Variants in LONP2 observed in about 807,000 individuals in gnomAD.
LONP2 encodes lon peptidase 2, peroxisomal.
In LONP2, 60 loss-of-function variants were observed where a neutral mutation model predicts 85.6. The observed-to-expected ratio is 0.70, with a 90% confidence interval of 0.57 to 0.87. The LOEUF (loss-of-function observed/expected upper bound fraction) is 0.87. LONP2 is among the 40% of genes least tolerant of loss of function. LONP2 has a pLI of 0.00. For missense variants in LONP2, 860 were observed against 1,063.5 expected (o/e 0.81, Z 2.66); for synonymous variants, 395 against 389.7 (o/e 1.01, Z -0.16).
chr16:48,260,567 TC>T (rs1181854499), intron 4 of LONP2, among the ~76,000 whole-genome samples: 3 of 152,242 alleles, frequency 2.0e-5, no homozygotes, highest in Non-Finnish European at 4.4e-5. Flanking sequence ...CCATTGCACT[TC>T]AGCCTGGATT....
chr16:48,347,572 AATC>A lies in LONP2; in HGVS notation c.2007_2009del (p.Ile669del), dbSNP rs745439776. 1.2e-4 allele frequency: 195 copies of A among 1,614,140 alleles called. No individual in the cohort carries two copies. Among genetic ancestry groups the A allele is most frequent in the Non-Finnish European group, 1.6e-4 (186 of 1,180,052 alleles). The stretch of plus-strand genomic sequence containing the variant: ...TGGCTTGGACTCCCTTAGGTGGAGA[AATC>A]ATGTTCGTGGAGGCGAGTCGAATGG... On this transcript the variant is annotated inframe_deletion, in exon 13 of 15. Transcript: ENST00000285737.
At chr16:48,273,964 T>TTTCA (rs1453884757) in intron 7 of LONP2, among the ~76,000 whole-genome samples, 8 of 152,268 alleles carry the variant, frequency 5.3e-5, no homozygotes, top group African/African-American at 1.9e-4. Flanking sequence ...CAACCTGAAA[T>TTTCA]GGTAAAGTTA....
intron 9 of LONP2, 38 bp from the exon 10 acceptor site, chr16:48,299,624 A>G (rs34505973): frequency 0.058 from 92,432 of 1,581,686 alleles, 3,255 homozygotes; most frequent in Middle Eastern, 0.13. Context: ...TATGGGAGCC[A>G]TGTAAATAAT....
Position 48,342,234 on chromosome 16 carries a change from G to A in LONP2, c.1939-5273G>A, listed in dbSNP as rs946451605. ...GCCCTTGTCTAAAGGTTACTGCCCT[G>A]AGAAAATAATAAAGGAAGAAGAGGA... On this transcript the variant is annotated intron_variant, in intron 12 of 14. Coordinates refer to ENST00000285737, the MANE Select transcript of LONP2 (RefSeq NM_031490.5). Among the ~76,000 whole-genome samples, 39 of 152,136 alleles carry A rather than the reference G, an allele frequency of 2.6e-4. 1 individual carries two copies. The highest frequency in any genetic ancestry group is 7.3e-5 in the Non-Finnish European group (5 of 68,040).
intron 8 of LONP2, among the ~76,000 whole-genome samples, chr16:48,294,285 A>C (rs1227307233): frequency 6.6e-6 from 1 of 152,152 alleles, no homozygotes; most frequent in African/African-American, 2.4e-5. Flanking sequence ...GACCACTCTT[A>C]ACCAATTCAA....
In LONP2 at chr16:48,351,001, C is replaced by T. The variant is rs1960125633; in HGVS notation, c.2338-580C>T. 2.0e-5 allele frequency among the ~76,000 whole-genome samples: 3 copies of T among 152,284 alleles called. No homozygotes were observed. In the South Asian group the frequency reaches 6.2e-4, roughly 32 times the overall value. ...TTGTGACTCAGCCGTGGAGATCATACAGCATCACTCCCACCACACTCTGTT... is the reference window on the plus strand; with the variant it reads ...TTGTGACTCAGCCGTGGAGATCATATAGCATCACTCCCACCACACTCTGTT... On this transcript the variant is annotated intron_variant, in intron 14 of 14. Transcript: ENST00000285737.
At chr16:48,290,688 C>T (rs1567325708) in intron 8 of LONP2, among the ~76,000 whole-genome samples, 1 of 152,188 alleles carries the variant, frequency 6.6e-6, no homozygotes, top group Non-Finnish European at 1.5e-5. Context: ...CAGGGTCCAC[C>T]AGTCTTCTTG....
At chr16:48,275,219 C>T (rs547123372) in intron 7 of LONP2, among the ~76,000 whole-genome samples, 2 of 152,238 alleles carry the variant, frequency 1.3e-5, no homozygotes, top group East Asian at 3.9e-4. Context: ...TATAACCCAC[C>T]AGGTTGACAC....
intron 11 of LONP2, among the ~76,000 whole-genome samples, chr16:48,311,050 T>G (rs1360221544): frequency 6.6e-6 from 1 of 152,238 alleles, no homozygotes; most frequent in Admixed American, 6.5e-5. Context: ...GTTTCCTGTA[T>G]AAGTGACTAG....
In LONP2 at chr16:48,256,482, A is replaced by G. The variant is rs1018272236; in HGVS notation, c.469-128A>G. The G allele has an allele frequency of 4.5e-5, 40 of 883,794 alleles. No individual in the cohort carries two copies. The South Asian group carries it at 5.5e-4, about 12-fold the overall frequency. 54.7% of individuals were successfully genotyped at this position (883,794 alleles called of 1,614,324 possible). A position where few individuals can be genotyped will look rare whatever the true frequency, so the allele number is the denominator to read the frequency against. On this transcript the variant is annotated intron_variant, in intron 2 of 14. Transcript: ENST00000285737. ...CTGAGGCCTGTAAAATACGTGGACT[A>G]TATTAATCAGTGATCTTTCAAAAAC...
chr16:48,254,790 G>C (rs1971724811), intron 2 of LONP2, among the ~76,000 whole-genome samples: 1 of 152,052 alleles, frequency 6.6e-6, no homozygotes, highest in African/African-American at 2.4e-5. Flanking sequence ...TACCAAACTT[G>C]AATTCACTTT....
At chr16:48,285,539 T>G (rs1295497908) in intron 8 of LONP2, among the ~76,000 whole-genome samples, 1 of 152,118 alleles carries the variant, frequency 6.6e-6, no homozygotes, top group Non-Finnish European at 1.5e-5. Context: ...CCTTTTTTCT[T>G]TCTATTCTTC....
At chr16:48,245,121 A>G (rs560387576) in intron 1 of LONP2, among the ~76,000 whole-genome samples, 6 of 151,880 alleles carry the variant, frequency 4.0e-5, no homozygotes, top group Non-Finnish European at 8.8e-5. Flanking sequence ...TTTCATTCCT[A>G]AACTGCACTA....
At chr16:48,319,541 A>T (rs375812993) in intron 11 of LONP2, among the ~76,000 whole-genome samples, 2 of 152,080 alleles carry the variant, frequency 1.3e-5, no homozygotes, top group South Asian at 2.1e-4. Flanking sequence ...TATATAGCCC[A>T]CTGACATGGC....
In LONP2 at chr16:48,362,813, C is replaced by G. The variant is rs1960650336; in HGVS notation, c.*950C>G. The G allele has an allele frequency of 1.0e-5, 2 of 199,022 alleles. No homozygotes were observed. The highest frequency in any genetic ancestry group is 2.4e-5 in the African/African-American group (1 of 41,670). The allele number at this position is 199,022 out of a possible 1,614,324, so 12.3% of individuals were successfully genotyped here. A position where few individuals can be genotyped will look rare whatever the true frequency, so the allele number is the denominator to read the frequency against. ...TAGGACTCTCCCTGAGGCTCCCTTA[C>G]TCTATTTCTTTCTAATTTGGAGTCA... On this transcript the variant is annotated 3_prime_UTR_variant, in exon 5 of 5. Coordinates refer to the LONP2 transcript ENST00000565867. The surrounding 1 kb of genome is among the most constrained non-coding windows in gnomAD (Gnocchi z 4.2).
chr16:48,347,809 C>T, intron 13 of LONP2, 95 bp downstream of exon 13: 9 of 1,182,186 alleles, frequency 7.6e-6, no homozygotes, highest in Non-Finnish European at 1.1e-5. Context: ...AGTTACACAT[C>T]TAGCAAAGTA....
chr16:48,284,001 G>A (rs1227324935), intron 8 of LONP2, among the ~76,000 whole-genome samples: 2 of 152,136 alleles, frequency 1.3e-5, no homozygotes, highest in African/African-American at 4.8e-5. Context: ...CCTCATGGAT[G>A]ACTTTGAGGG....
chr16:48,286,429 C>T (rs901018718), intron 8 of LONP2, among the ~76,000 whole-genome samples: 2 of 152,174 alleles, frequency 1.3e-5, no homozygotes, highest in African/African-American at 4.8e-5. Context: ...TCGTGAGCCA[C>T]CGTGCCTGGC....
chr16:48,311,267 TCTC>T (rs1275331708), intron 11 of LONP2, among the ~76,000 whole-genome samples: 3 of 152,112 alleles, frequency 2.0e-5, no homozygotes, highest in South Asian at 2.1e-4. Context: ...TGCTTTTTCT[TCTC>T]CTCTAGGAAT....
Sources: gnomAD v4.1 joint callset for allele counts (sites outside exome capture counted in the v4.1 genomes callset) on GRCh38, gnomAD v4.1.1 for gene constraint, Gnocchi (gnomAD v3.1) non-coding constraint, MANE v1.5 for transcripts, NCBI Gene and HGNC (gene_info 2026-07-23, HGNC 2026-07-21) for gene names.